SH3KBP1: variants seen among roughly 807,000 people sequenced by gnomAD.
The protein encoded by SH3KBP1 is SH3 domain containing kinase binding protein 1.
In SH3KBP1, 8 loss-of-function variants were observed where a neutral mutation model predicts 50.1. The ratio of observed to expected loss-of-function variants is 0.16; its 90% CI spans 0.09 to 0.29. The LOEUF (loss-of-function observed/expected upper bound fraction) is 0.29. Ranked by LOEUF, SH3KBP1 falls within the 10% of genes least tolerant of loss-of-function variation. The probability of loss-of-function intolerance (pLI) is 1.00; values close to 1 mark genes in which losing one functional copy is unlikely to be tolerated. For synonymous variants in SH3KBP1, 227 were observed against 218.6 expected, an observed-to-expected ratio of 1.04 and a Z score of -0.34; for missense variants, 377 against 535.2, an observed-to-expected ratio of 0.70 and a Z score of 2.92.
At chrX:19,558,396 C>T (rs2065558028) in intron 13 of SH3KBP1, among the ~76,000 whole-genome samples, 1 of 112,240 alleles carries the variant, frequency 8.9e-6, no homozygotes, top group African/African-American at 3.2e-5. Flanking sequence ...GTTTTACTCA[C>T]AAAGGATGTA....
At chrX:19,611,565 G>A (rs945287978) in intron 8 of SH3KBP1, among the ~76,000 whole-genome samples, 1 of 111,484 alleles carries the variant, frequency 9.0e-6, no homozygotes, top group Non-Finnish European at 1.9e-5. Flanking sequence ...TGTTGGCCAG[G>A]CTGGTCTCGA....
At chrX:19,626,413 T>TG (rs1231514586) in intron 8 of SH3KBP1, among the ~76,000 whole-genome samples, 1 of 111,558 alleles carries the variant, frequency 9.0e-6, no homozygotes, top group Non-Finnish European at 1.9e-5. Context: ...AATGAATGAA[T>TG]GAGTGAACGA....
intron 1 of SH3KBP1, among the ~76,000 whole-genome samples, chrX:19,876,138 C>T (rs1279412926): frequency 8.9e-6 from 1 of 112,033 alleles, no homozygotes; most frequent in Non-Finnish European, 1.9e-5. Context: ...GTAGACAGAT[C>T]ACCTGAGGTC....
intron 1 of SH3KBP1, among the ~76,000 whole-genome samples, chrX:19,870,700 CATAT>C (rs2069019024): frequency 3.6e-5 from 4 of 111,606 alleles, no homozygotes; most frequent in Admixed American, 1.9e-4. Context: ...CATCAACTAT[CATAT>C]CAGCTTCCAG....
intron 3 of SH3KBP1, among the ~76,000 whole-genome samples, chrX:19,722,569 G>GGTGT (rs55675573): frequency 0.013 from 1,109 of 84,220 alleles, 14 homozygotes; most frequent in African/African-American, 0.037. Context: ...CGTGCGCACT[G>GGTGT]GTGTGTGTGT....
chrX:19,817,263 TCTC>T (rs1350844038), intron 2 of SH3KBP1, among the ~76,000 whole-genome samples: 81 of 112,099 alleles, frequency 7.2e-4, no homozygotes, highest in African/African-American at 2.4e-3. Flanking sequence ...CTATTGTAGT[TCTC>T]CTGATTTCTT....
In SH3KBP1 at chrX:19,592,867, G is replaced by A. The variant is rs73457663; in HGVS notation, c.1058-720C>T. ...ACCCTTGCCAAGGGGAGCCAGACAC[G>A]TGAGGGAAACATTCATCTTCAAAGT... On this transcript the variant is annotated intron_variant, in intron 10 of 17. Coordinates refer to ENST00000397821, the MANE Select transcript of SH3KBP1 (RefSeq NM_031892.3). Among the ~76,000 whole-genome samples, 864 of 112,281 alleles carry A rather than the reference G, an allele frequency of 7.7e-3. 6 individuals carry two copies. The highest frequency in any genetic ancestry group is 0.028 in the Middle Eastern group (6 of 218).
At chrX:19,657,488 G>C (rs1406241809) in intron 6 of SH3KBP1, among the ~76,000 whole-genome samples, 1 of 110,455 alleles carries the variant, frequency 9.1e-6, no homozygotes, top group East Asian at 2.8e-4. Flanking sequence ...CCAGCACTTT[G>C]GGAGGCCGAG....
chrX:19,630,441 T>C (rs1302761083), intron 8 of SH3KBP1, among the ~76,000 whole-genome samples: 2 of 112,412 alleles, frequency 1.8e-5, no homozygotes, highest in Non-Finnish European at 3.7e-5. Context: ...ATGCACTGTG[T>C]GTCAGAAAGC....
intron 2 of SH3KBP1, among the ~76,000 whole-genome samples, chrX:19,758,597 G>A (rs187658111): frequency 9.0e-6 from 1 of 110,958 alleles, no homozygotes; most frequent in African/African-American, 3.3e-5. Flanking sequence ...AGTCTCCTCT[G>A]GAAAAATTTT....
At chrX:19,692,659 GTGTGTGTGTGTA>G (rs1329890092) in intron 5 of SH3KBP1, among the ~76,000 whole-genome samples, 1 of 75,217 alleles carries the variant, frequency 1.3e-5, no homozygotes, top group African/African-American at 6.4e-5. Context: ...GTGTGTGTGT[GTGTGTGTGTGTA>G]TGTATATATA....
At chrX:19,717,057 G>A (rs1036804023) in intron 3 of SH3KBP1, among the ~76,000 whole-genome samples, 1 of 110,865 alleles carries the variant, frequency 9.0e-6, no homozygotes, top group African/African-American at 3.3e-5. Context: ...GCAATGGGGA[G>A]GGGTCCCAGA....
intron 5 of SH3KBP1, among the ~76,000 whole-genome samples, chrX:19,695,241 G>C (rs1262707461): frequency 9.0e-6 from 1 of 111,560 alleles, no homozygotes; most frequent in East Asian, 2.8e-4. Context: ...TTTTCTCCAA[G>C]TCCCTCAAGG....
chrX:19,851,281 G>C (rs1282667170), intron 1 of SH3KBP1, among the ~76,000 whole-genome samples: 1 of 111,869 alleles, frequency 8.9e-6, no homozygotes, highest in African/African-American at 3.3e-5. Context: ...ATTAACAATG[G>C]GCAGATCCCC....
Position 19,554,318 on chromosome X carries a change from C to T in SH3KBP1, c.1385-4235G>A, listed in dbSNP as rs1192891977. On this transcript the variant is annotated intron_variant, in intron 13 of 17. Transcript: ENST00000397821. ...TTATATATCATATTAAAATATACAT[C>T]ATATTAAAATATAATATTATATATC... is the stretch of plus-strand genomic sequence containing the variant. 1.1e-4 allele frequency among the ~76,000 whole-genome samples: 9 copies of T among 79,628 alleles called. No homozygotes were observed. The Admixed American group carries it at 1.2e-3, about 10-fold the overall frequency. 69.1% of individuals were successfully genotyped at this position (79,628 alleles called of 115,157 possible). A position where few individuals can be genotyped will look rare whatever the true frequency, so the allele number is the denominator to read the frequency against.
intron 3 of SH3KBP1, among the ~76,000 whole-genome samples, chrX:19,738,609 T>G (rs946861060): frequency 9.6e-6 from 1 of 103,668 alleles, no homozygotes; most frequent in African/African-American, 3.6e-5. Context: ...TATAAACTCC[T>G]CTGCAACATG....
At chrX:19,745,006 G>A (rs182612452) in intron 3 of SH3KBP1, among the ~76,000 whole-genome samples, 348 of 112,392 alleles carry the variant, frequency 3.1e-3, no homozygotes, top group Non-Finnish European at 5.1e-3. Context: ...GACCCAAGAG[G>A]CAGGTGGAGG....
chrX:19,659,689 C>T (rs1341738043), intron 6 of SH3KBP1, among the ~76,000 whole-genome samples: 1 of 112,650 alleles, frequency 8.9e-6, no homozygotes, highest in African/African-American at 3.2e-5. Flanking sequence ...CTCCAGTTAC[C>T]ACTTAGTAAG....
At chrX:19,843,193 AT>A (rs1427647462) in intron 1 of SH3KBP1, among the ~76,000 whole-genome samples, 67 of 106,072 alleles carry the variant, frequency 6.3e-4, no homozygotes, top group Non-Finnish European at 1.1e-3. Flanking sequence ...TAATTTTTGT[AT>A]TTTTTAGTAG....
Sources: gnomAD v4.1 joint callset for allele counts (sites outside exome capture counted in the v4.1 genomes callset) on GRCh38, gnomAD v4.1.1 for gene constraint, MANE v1.5 for transcripts, NCBI Gene and HGNC (gene_info 2026-07-23, HGNC 2026-07-21) for gene names.